The following ZNF804A variants were observed in gnomAD, a reference collection of about 807,000 sequenced individuals.
ZNF804A encodes zinc finger protein 804A.
A neutral mutation model predicts 16.5 loss-of-function variants in ZNF804A; 2 were observed. The observed-to-expected ratio is 0.12, with a 90% CI of 0.05 to 0.38. The LOEUF is 0.38. Among genes scored for constraint, ZNF804A ranks in the 10% least tolerant of loss-of-function variants. The probability of loss-of-function intolerance (pLI) is 0.99; values close to 1 mark genes in which losing one functional copy is unlikely to be tolerated. For synonymous variants in ZNF804A, 534 were observed against 489.6 expected, an observed-to-expected ratio of 1.09 and a Z score of -1.20; for missense variants, 1,473 against 1,390.7, an observed-to-expected ratio of 1.06 and a Z score of -0.94.
rs140079419 is a variant in ZNF804A, at chr2:184,870,003, G to A, written c.255+3491G>A. Among the ~76,000 whole-genome samples, 6 of 152,002 alleles carry A rather than the reference G, an allele frequency of 3.9e-5. No individual in the cohort carries two copies. The East Asian group carries it at 9.7e-4, about 25-fold the overall frequency. On this transcript the variant is annotated intron_variant, in intron 2 of 3. Coordinates refer to ENST00000302277, the MANE Select transcript of ZNF804A (RefSeq NM_194250.2). ...CTCACAAATTACAGTATCTTTGTTT[G>A]AATTTTTTTTTAACTTTGTAACTCA...
intron 1 of ZNF804A, among the ~76,000 whole-genome samples, chr2:184,787,617 T>C (rs1284322236): frequency 2.0e-5 from 3 of 152,034 alleles, no homozygotes; most frequent in African/African-American, 4.8e-5. Flanking sequence ...ATGTTAAGCA[T>C]TTCTTTATGT....
chr2:184,836,827 G>A (rs1291176935), intron 1 of ZNF804A, among the ~76,000 whole-genome samples: 2 of 151,496 alleles, frequency 1.3e-5, no homozygotes, highest in Non-Finnish European at 2.9e-5. Flanking sequence ...AATCTCCTTA[G>A]CGTGCCATAT....
chr2:184,619,750 C>A (rs1691387840), intron 1 of ZNF804A, among the ~76,000 whole-genome samples: 1 of 151,790 alleles, frequency 6.6e-6, no homozygotes, highest in Non-Finnish European at 1.5e-5. Flanking sequence ...GATCTCATCA[C>A]AACCACAATA....
intron 1 of ZNF804A, among the ~76,000 whole-genome samples, chr2:184,718,739 C>A (rs1468929877): frequency 1.3e-5 from 2 of 152,144 alleles, no homozygotes; most frequent in Non-Finnish European, 2.9e-5. Flanking sequence ...TGGTCTTGGG[C>A]AGTTCCAACC....
intron 1 of ZNF804A, among the ~76,000 whole-genome samples, chr2:184,820,943 G>T (rs892655387): frequency 6.6e-6 from 1 of 151,874 alleles, no homozygotes; most frequent in Admixed American, 6.6e-5. Context: ...GAAGACATTC[G>T]ATGCTCATGG....
chr2:184,744,494 ATG>A (rs1390842710), intron 1 of ZNF804A, among the ~76,000 whole-genome samples: 3 of 151,814 alleles, frequency 2.0e-5, no homozygotes, highest in African/African-American at 7.2e-5. Flanking sequence ...CCCTTCCACC[ATG>A]TGAGGACACA....
intron 2 of ZNF804A, among the ~76,000 whole-genome samples, chr2:184,916,535 A>G (rs1685451404): frequency 3.9e-5 from 6 of 152,184 alleles, no homozygotes. Context: ...AACTGTAAAT[A>G]AGAGAAATTT....
Position 184,936,459 on chromosome 2 carries a change from T to C in ZNF804A, c.1063T>C (p.Leu355=). The change falls in exon 4 of 4, where the codon TTG becomes CTG. Residue 355 remains leucine, a synonymous_variant. Coordinates refer to ENST00000302277, the MANE Select transcript of ZNF804A (RefSeq NM_194250.2). ...DIPVSGNSFE[L]LGNKSTVLDM... is the part of the protein sequence containing the mutation. Reference sequence around the variant, plus strand: ...ACCTGTTAGTGGTAACAGTTTTGAGTTGTTAGGAAATAAATCCACAGTTCT... The same window carrying C: ...ACCTGTTAGTGGTAACAGTTTTGAGCTGTTAGGAAATAAATCCACAGTTCT... 6.2e-7 allele frequency: 1 copy of C among 1,613,946 alleles called. No individual in the cohort carries two copies. Among genetic ancestry groups the C allele is most frequent in the Non-Finnish European group, 8.5e-7 (1 of 1,179,950 alleles).
At position 184,937,822 on chromosome 2, in the gene ZNF804A, A is replaced by G; in HGVS notation, c.2426A>G (p.Lys809Arg). Residue 809 changes from lysine to arginine, a missense_variant, in exon 4 of 4, where the codon AAA (lysine) becomes AGA (arginine). Coordinates refer to ENST00000302277, the MANE Select transcript of ZNF804A (RefSeq NM_194250.2). ...ACTTCAGTTGCTCCCTGCAAGCCTA[A>G]AAAGAAACGGAGGCGAAAAAGAGGC... ...PSTSVAPCKPKKKRRRKRGRF... is the reference protein window; with the variant it reads ...PSTSVAPCKPRKKRRRKRGRF... 1.2e-6 allele frequency: 2 copies of G among 1,614,130 alleles called. No homozygotes were observed. Among genetic ancestry groups the G allele is most frequent in the Non-Finnish European group, 1.7e-6 (2 of 1,179,994 alleles).
At chr2:184,921,479 T>A (rs1156696520) in intron 2 of ZNF804A, among the ~76,000 whole-genome samples, 1 of 152,142 alleles carries the variant, frequency 6.6e-6, no homozygotes, top group Non-Finnish European at 1.5e-5. Flanking sequence ...TTTGTTTATT[T>A]TTTAATTGTA....
At chr2:184,836,293 A>G (rs1479251259) in intron 1 of ZNF804A, among the ~76,000 whole-genome samples, 1 of 152,130 alleles carries the variant, frequency 6.6e-6, no homozygotes, top group African/African-American at 2.4e-5. Context: ...AAAAGCAAGC[A>G]GTTTCCTAAA....
chr2:184,834,028 G>A (rs73043271), intron 1 of ZNF804A, among the ~76,000 whole-genome samples: 2,764 of 152,064 alleles, frequency 0.018, 68 homozygotes, highest in African/African-American at 0.062. Flanking sequence ...ACTTATTTTA[G>A]CATCTATTAA....
At chr2:184,758,971 C>G (rs1694000154) in intron 1 of ZNF804A, among the ~76,000 whole-genome samples, 1 of 151,594 alleles carries the variant, frequency 6.6e-6, no homozygotes, top group African/African-American at 2.4e-5. Flanking sequence ...GAGATACATA[C>G]CTAGACACAT....
chr2:184,773,490 A>G (rs1367523421), intron 1 of ZNF804A, among the ~76,000 whole-genome samples: 1 of 151,994 alleles, frequency 6.6e-6, no homozygotes, highest in Non-Finnish European at 1.5e-5. Flanking sequence ...TAAGGAAATA[A>G]TGGCATTCAT....
chr2:184,832,048 T>C (rs903555828), intron 1 of ZNF804A, among the ~76,000 whole-genome samples: 1 of 152,070 alleles, frequency 6.6e-6, no homozygotes, highest in Non-Finnish European at 1.5e-5. Context: ...AGGGCTTTTA[T>C]TCAGTCTCTC....
intron 2 of ZNF804A, among the ~76,000 whole-genome samples, chr2:184,924,135 C>T (rs907681386): frequency 6.6e-6 from 1 of 151,476 alleles, no homozygotes; most frequent in Non-Finnish European, 1.5e-5. Context: ...TTCAGATAGT[C>T]TGAGTAGGAT....
At chr2:184,784,658 T>C (rs1338126223) in intron 1 of ZNF804A, among the ~76,000 whole-genome samples, 3 of 151,926 alleles carry the variant, frequency 2.0e-5, no homozygotes, top group Non-Finnish European at 4.4e-5. Context: ...AGTACTTCAG[T>C]TGTCTTTTTG....
chr2:184,622,321 A>C (rs1691432862), intron 1 of ZNF804A, among the ~76,000 whole-genome samples: 1 of 151,888 alleles, frequency 6.6e-6, no homozygotes, highest in African/African-American at 2.4e-5. Context: ...CCACAGTGTG[A>C]ATTTATGGTT....
At chr2:184,696,235 GT>G (rs2105728572) in intron 1 of ZNF804A, among the ~76,000 whole-genome samples, 1 of 152,154 alleles carries the variant, frequency 6.6e-6, no homozygotes, top group Non-Finnish European at 1.5e-5. Context: ...GCGAGATTGG[GT>G]TTAAAAAAAC....
Sources: gnomAD v4.1 joint callset for allele counts (sites outside exome capture counted in the v4.1 genomes callset) on GRCh38, gnomAD v4.1.1 for gene constraint, MANE v1.5 for transcripts, NCBI Gene and HGNC (gene_info 2026-07-23, HGNC 2026-07-21) for gene names.